Variants in RELCH observed in about 807,000 individuals in gnomAD.
The protein encoded by RELCH is RAB11-binding protein RELCH.
RELCH carries 41 observed loss-of-function variants against 150.3 expected under a neutral mutation model. The observed-to-expected ratio is 0.27, with a 90% CI of 0.21 to 0.35. The LOEUF is 0.35. RELCH is among the 10% of genes least tolerant of loss of function. RELCH has a pLI of 1.00. For missense variants in RELCH, 1,092 were observed against 1,467.8 expected (o/e 0.74, Z 4.18); for synonymous variants, 478 against 531.8 (o/e 0.90, Z 1.39).
At chr18:62,204,505 G>A (rs570360322) in intron 1 of RELCH, among the ~76,000 whole-genome samples, 10 of 151,840 alleles carry the variant, frequency 6.6e-5, no homozygotes, top group East Asian at 1.9e-4. Context: ...CTAATTTTTC[G>A]ATTTTTTGTA....
intron 1 of RELCH, among the ~76,000 whole-genome samples, chr18:62,202,994 C>T (rs906423490): frequency 6.6e-5 from 10 of 152,066 alleles, no homozygotes; most frequent in Admixed American, 1.3e-4. Context: ...TAAGGAGCCA[C>T]GACATGGGCC....
chr18:62,294,238 A>G (rs892327067), intron 27 of RELCH, among the ~76,000 whole-genome samples: 2 of 152,198 alleles, frequency 1.3e-5, no homozygotes, highest in Admixed American at 1.3e-4. Flanking sequence ...GAATCAACAG[A>G]TTGTACAGTG....
At chr18:62,210,300 C>T (rs911905772) in intron 1 of RELCH, among the ~76,000 whole-genome samples, 1 of 152,174 alleles carries the variant, frequency 6.6e-6, no homozygotes, top group African/African-American at 2.4e-5. Flanking sequence ...CCATCTCTTG[C>T]CTCATCAGTT....
At chr18:62,286,418 T>C (rs1176642317) in intron 25 of RELCH, among the ~76,000 whole-genome samples, 2 of 152,176 alleles carry the variant, frequency 1.3e-5, no homozygotes, top group Non-Finnish European at 2.9e-5. Context: ...TTTACTAAGC[T>C]AAGCATGAAA....
intron 13 of RELCH, among the ~76,000 whole-genome samples, chr18:62,256,269 G>C (rs759706385): frequency 2.6e-5 from 4 of 151,980 alleles, no homozygotes. Flanking sequence ...AAATTGGATG[G>C]AGTGAGAATG....
At chr18:62,198,473 A>T (rs2039195260) in intron 1 of RELCH, among the ~76,000 whole-genome samples, 1 of 152,196 alleles carries the variant, frequency 6.6e-6, no homozygotes, top group African/African-American at 2.4e-5. Flanking sequence ...GCCGTCAGAA[A>T]TAGTGTTCAT....
Position 62,221,054 on chromosome 18 carries a change from C to G in RELCH, c.634C>G (p.Arg212Gly). 1 of 1,613,016 alleles carries G rather than the reference C, an allele frequency of 6.2e-7. No individual in the cohort carries two copies. Among genetic ancestry groups the G allele is most frequent in the Non-Finnish European group, 8.5e-7 (1 of 1,179,442 alleles). Residue 212 changes from arginine to glycine, a missense_variant, in exon 3 of 29, where the codon CGG becomes GGG. Around this residue, in one of 4 missense-constraint regions of RELCH, gnomAD observed 190 missense variants for 276.2 expected, o/e 0.69. Transcript: ENST00000644646. The stretch of plus-strand genomic sequence containing the variant: ...CTGTCCAGTCCTGGAGTTTGAACTA[C>G]GGAAAGCCAAGGAGACCATTCAGGC... ...EKVAVLEFELRKAKETIQALR... is the reference protein window; with the variant it reads ...EKVAVLEFELGKAKETIQALR...
chr18:62,253,526 A>T (rs72949220), intron 12 of RELCH, among the ~76,000 whole-genome samples: 32 of 152,088 alleles, frequency 2.1e-4, no homozygotes, highest in Middle Eastern at 3.4e-3. Context: ...TTATTTTTCC[A>T]CCTTAAAAAG....
At chr18:62,240,138 A>G (rs1186659546) in intron 10 of RELCH, among the ~76,000 whole-genome samples, 1 of 151,926 alleles carries the variant, frequency 6.6e-6, no homozygotes, top group African/African-American at 2.4e-5. Flanking sequence ...ATGATATCAC[A>G]TTATATTTGT....
chr18:62,219,331 T>TTC (rs1555720897), intron 2 of RELCH, among the ~76,000 whole-genome samples: 2 of 147,812 alleles, frequency 1.4e-5, no homozygotes, highest in African/African-American at 2.5e-5. Context: ...TTTTCTTTTT[T>TTC]TTTTTTTTTT....
At chr18:62,191,890 C>T (rs1367766733) in intron 1 of RELCH, among the ~76,000 whole-genome samples, 1 of 152,140 alleles carries the variant, frequency 6.6e-6, no homozygotes, top group Non-Finnish European at 1.5e-5. Context: ...GAATGATTTA[C>T]ATTCCTTTGG....
chr18:62,233,449 A>C (rs1342179985), intron 10 of RELCH, among the ~76,000 whole-genome samples: 3 of 151,996 alleles, frequency 2.0e-5, no homozygotes, highest in African/African-American at 7.2e-5. Flanking sequence ...AGAAATTTGT[A>C]CTGATCCTCA....
intron 1 of RELCH, among the ~76,000 whole-genome samples, chr18:62,204,201 T>C (rs182175598): frequency 6.6e-6 from 1 of 152,192 alleles, no homozygotes. Flanking sequence ...AGTACTTTTT[T>C]AATAATTCGA....
At chr18:62,285,025 T>C (rs1449243361) in intron 25 of RELCH, among the ~76,000 whole-genome samples, 1 of 152,198 alleles carries the variant, frequency 6.6e-6, no homozygotes, top group African/African-American at 2.4e-5. Flanking sequence ...CTGGGCCCAT[T>C]TATTCAAACA....
intron 26 of RELCH, 139 bp downstream of exon 26, chr18:62,287,606 C>T: frequency 1.6e-6 from 1 of 638,280 alleles, no homozygotes; most frequent in East Asian, 2.9e-5. Context: ...TTTGATTTGT[C>T]TCACTCCACT....
intron 1 of RELCH, among the ~76,000 whole-genome samples, chr18:62,204,201 T>A (rs182175598): frequency 2.0e-4 from 30 of 152,310 alleles, no homozygotes; most frequent in African/African-American, 7.2e-4. Context: ...AGTACTTTTT[T>A]AATAATTCGA....
intron 1 of RELCH, among the ~76,000 whole-genome samples, chr18:62,200,396 C>G (rs2039350745): frequency 6.6e-6 from 1 of 152,092 alleles, no homozygotes; most frequent in East Asian, 1.9e-4. Flanking sequence ...TCAGTTCTCT[C>G]ATCTGTAAAA....
In RELCH at chr18:62,252,651, T is replaced by C. The variant is rs746413422; in HGVS notation, c.1734-13T>C. The C allele has an allele frequency of 6.2e-7, 1 of 1,611,324 alleles. No individual in the cohort carries two copies. On this transcript the variant is annotated splice_polypyrimidine_tract_variant and intron_variant, in intron 11 of 28. Transcript: ENST00000644646. The stretch of plus-strand genomic sequence containing the variant: ...TCATGCAAATACAAGCCGTTTTTTA[T>C]ATTATTTTTCAGGCAAATGATACTG...
chr18:62,292,127 C>G (rs1401540823), intron 27 of RELCH, among the ~76,000 whole-genome samples: 1 of 151,964 alleles, frequency 6.6e-6, no homozygotes, highest in Non-Finnish European at 1.5e-5. Context: ...AATAGCAAAA[C>G]CTTCCTTTCA....
Sources: allele counts gnomAD v4.1 joint callset (sites outside exome capture counted in the v4.1 genomes callset), GRCh38; gene constraint gnomAD v4.1.1; regional missense constraint gnomAD v4.1.1; transcripts MANE v1.5; gene names NCBI Gene and HGNC (gene_info 2026-07-23, HGNC 2026-07-21).